Variants in TGS1 observed in about 807,000 individuals in gnomAD.
TGS1 encodes trimethylguanosine synthase 1, also known as trimethylguanosine synthase.
Under a neutral mutation model 92.2 loss-of-function variants are expected in TGS1, and 69 were observed. The ratio of observed to expected loss-of-function variants is 0.75; its 90% CI spans 0.62 to 0.91. The LOEUF is 0.91. TGS1 is among the 40% of genes least tolerant of loss of function. The pLI is 0.00. For missense variants in TGS1, 1,062 were observed against 1,001.2 expected (o/e 1.06, Z -0.82); for synonymous variants, 345 against 338.1 (o/e 1.02, Z -0.22).
At position 55,790,285 on chromosome 8, in the gene TGS1, C is replaced by A. The variant is rs1322547578; in HGVS notation, c.1266C>A (p.Ser422Arg). The change falls in exon 5 of 13, where the codon AGC becomes AGA. Residue 422 changes from serine (S) to arginine (R), a missense_variant. Coordinates refer to ENST00000260129, the MANE Select transcript of TGS1 (RefSeq NM_024831.8). ...SEEDPPEHKP[S>R]KLKRSHELDI... is the part of the protein sequence containing the mutation. The stretch of plus-strand genomic sequence containing the variant: ...AAGACCCACCTGAGCATAAGCCAAG[C>A]AAACTGAAGAGGAGGTAAGTTACAT... The A allele has an allele frequency of 6.2e-7, 1 of 1,612,978 alleles. No individual in the cohort carries two copies. Among genetic ancestry groups the A allele is most frequent in the Non-Finnish European group, 8.5e-7 (1 of 1,179,036 alleles).
At chr8:55,782,503 T>C (rs985727667) in intron 1 of TGS1, among the ~76,000 whole-genome samples, 2 of 152,222 alleles carry the variant, frequency 1.3e-5, no homozygotes, top group African/African-American at 4.8e-5. Context: ...CTAGCAGTTA[T>C]AGTAATAAAT....
At chr8:55,813,289 C>T (rs149690296) in intron 12 of TGS1, among the ~76,000 whole-genome samples, 171 bp downstream of exon 12, 1 of 152,296 alleles carries the variant, frequency 6.6e-6, no homozygotes, top group Non-Finnish European at 1.5e-5. Flanking sequence ...TCTATTACAT[C>T]GTCTTCATTT....
intron 10 of TGS1, among the ~76,000 whole-genome samples, chr8:55,808,965 A>C (rs1364596312): frequency 6.6e-6 from 1 of 152,212 alleles, no homozygotes; most frequent in Non-Finnish European, 1.5e-5. Context: ...AGTATAATTG[A>C]CTTAGTGTGT....
chr8:55,776,602 C>G lies in TGS1; in HGVS notation c.101+2883C>G, dbSNP rs1188142957. Among the ~76,000 whole-genome samples, 3 of 152,118 alleles carry G rather than the reference C, an allele frequency of 2.0e-5. No homozygotes were observed. The East Asian group carries it at 5.8e-4, about 29-fold the overall frequency. ...CCCAGTGCCTTTTTTATGCAAATAA[C>G]CGATTAGGTCAGGGGTGGATCAGTA... On this transcript the variant is annotated intron_variant, in intron 1 of 12. Transcript: ENST00000260129.
chr8:55,802,612 G>C lies in TGS1; in HGVS notation c.1999+6G>C. 1 of 1,585,676 alleles carries C rather than the reference G, an allele frequency of 6.3e-7. No homozygotes were observed. The highest frequency in any genetic ancestry group is 8.5e-7 in the Non-Finnish European group (1 of 1,170,438). On this transcript the variant is annotated splice_donor_region_variant and intron_variant, in intron 9 of 12. Coordinates refer to ENST00000260129, the MANE Select transcript of TGS1 (RefSeq NM_024831.8). ...TGGGATTAAGTTGGACAGAGGTAAA[G>C]TATATATGTATTTTTTAGCTTTATT...
rs540463775 is a variant in TGS1, at chr8:55,800,063, A to G, written c.1849+843A>G. 2.6e-5 allele frequency among the ~76,000 whole-genome samples: 4 copies of G among 152,340 alleles called. No individual in the cohort carries two copies. In the East Asian group the frequency reaches 7.7e-4, roughly 29 times the overall value. On this transcript the variant is annotated intron_variant, in intron 8 of 12. Coordinates refer to ENST00000260129, the MANE Select transcript of TGS1 (RefSeq NM_024831.8). ...GCAAAAGTTCTTATATAGTTTAATAATGGTATTATGAAACCATTATATTTA... is the reference window on the plus strand; with the variant it reads ...GCAAAAGTTCTTATATAGTTTAATAGTGGTATTATGAAACCATTATATTTA...
chr8:55,781,466 C>T (rs989148028), intron 1 of TGS1, among the ~76,000 whole-genome samples: 13 of 152,150 alleles, frequency 8.5e-5, no homozygotes, highest in Non-Finnish European at 1.6e-4. Context: ...ACATTATCTT[C>T]AACACATTTA....
chr8:55,817,251 C>T (rs1370298910), intron 12 of TGS1, among the ~76,000 whole-genome samples: 1 of 152,112 alleles, frequency 6.6e-6, no homozygotes, highest in African/African-American at 2.4e-5. Context: ...AAATGTTCCT[C>T]ATTGTAACAG....
Position 55,814,531 on chromosome 8 carries a change from T to C in TGS1, c.2439+1413T>C, listed in dbSNP as rs532041107. Among the ~76,000 whole-genome samples the C allele has an allele frequency of 3.1e-3, 471 of 151,498 alleles. 5 individuals are homozygous for C. Among genetic ancestry groups the C allele is most frequent in the African/African-American group, 0.01 (417 of 41,360 alleles). On this transcript the variant is annotated intron_variant, in intron 12 of 12. Transcript: ENST00000260129. ...TTAATAGTATGTGTTATACCAGTTATAAGAAAAAGGGGCTGGGTGTGATGG... is the reference window on the plus strand; with the variant it reads ...TTAATAGTATGTGTTATACCAGTTACAAGAAAAAGGGGCTGGGTGTGATGG...
intron 10 of TGS1, among the ~76,000 whole-genome samples, chr8:55,807,681 G>C (rs1803210745): frequency 6.6e-6 from 1 of 151,912 alleles, no homozygotes; most frequent in African/African-American, 2.4e-5. Context: ...GCACGTGCCA[G>C]TATGCCCTGC....
At chr8:55,779,123 G>A (rs1410514345) in intron 1 of TGS1, among the ~76,000 whole-genome samples, 4 of 152,168 alleles carry the variant, frequency 2.6e-5, no homozygotes, top group African/African-American at 9.7e-5. Context: ...AATTCATCCA[G>A]AGTCATTATG....
Position 55,793,103 on chromosome 8 carries a change from C to G in TGS1, c.1367+319C>G, listed in dbSNP as rs553187608. Reference sequence around the variant, plus strand: ...ACTTCTAAGCATGGTTCTCTTCTCACCTAGTGTCTCACATGTGTACATCTG... The same window carrying G: ...ACTTCTAAGCATGGTTCTCTTCTCAGCTAGTGTCTCACATGTGTACATCTG... On this transcript the variant is annotated intron_variant, in intron 6 of 12. Transcript: ENST00000260129. 7.9e-5 allele frequency among the ~76,000 whole-genome samples: 12 copies of G among 152,324 alleles called. No individual in the cohort carries two copies. In the East Asian group the frequency reaches 2.3e-3, roughly 29 times the overall value.
At chr8:55,803,187 T>G (rs1812270439) in intron 9 of TGS1, among the ~76,000 whole-genome samples, 1 of 152,120 alleles carries the variant, frequency 6.6e-6, no homozygotes, top group South Asian at 2.1e-4. Flanking sequence ...AATCTGTATT[T>G]GTAGCACGTT....
chr8:55,785,586 TA>T (rs576479684), intron 2 of TGS1, 132 bp from the exon 3 acceptor site: 33 of 612,102 alleles, frequency 5.4e-5, no homozygotes, highest in Non-Finnish European at 7.3e-5. Flanking sequence ...CTCTAAAAAA[TA>T]AAAAAAATTG....
Position 55,813,039 on chromosome 8 carries a change from C to T in TGS1, c.2361-1C>T. 1 of 1,601,066 alleles carries T rather than the reference C, an allele frequency of 6.2e-7. No individual in the cohort carries two copies. Among genetic ancestry groups the T allele is most frequent in the South Asian group, 1.1e-5 (1 of 90,350 alleles). On this transcript the variant is annotated splice_acceptor_variant, in intron 11 of 12. Transcript: ENST00000260129. LOFTEE classifies it high-confidence loss of function. ...ATTATTTTTCCTTAACTGCTGTCCA[C>T]CTTTGAAATTTTCAGACTTTCTAAG...
At chr8:55,802,347 A>G (rs1812241284) in intron 8 of TGS1, 110 bp from the exon 9 acceptor site, 3 of 884,094 alleles carry the variant, frequency 3.4e-6, no homozygotes, top group Non-Finnish European at 5.4e-6. Context: ...GTGTCATTAT[A>G]TACATGTTCT....
chr8:55,802,467 AAAGAAGAAGAAC>A lies in TGS1; in HGVS notation c.1875_1886del (p.Lys627_Lys630del), dbSNP rs758105166. 30 of 1,613,444 alleles carry A rather than the reference AAAGAAGAAGAAC, an allele frequency of 1.9e-5. No individual in the cohort carries two copies. The highest frequency in any genetic ancestry group is 6.7e-5 in the African/African-American group (5 of 75,004). Reference sequence around the variant, plus strand: ...TGTATTTTATTTTAGCTGAAGTGAAAAAGAAGAAGAACAAGAAGAAGAACAAAAAGGTGAATG... The same window carrying A: ...TGTATTTTATTTTAGCTGAAGTGAAAAAGAAGAAGAACAAAAAGGTGAATG... On this transcript the variant is annotated inframe_deletion, in exon 9 of 13. Coordinates refer to ENST00000260129, the MANE Select transcript of TGS1 (RefSeq NM_024831.8).
intron 11 of TGS1, 117 bp downstream of exon 11, chr8:55,811,214 G>A (rs969296853): frequency 1.9e-4 from 159 of 826,714 alleles, no homozygotes; most frequent in Non-Finnish European, 2.7e-4. Context: ...TGTAATCCTA[G>A]CACATTGGGA....
chr8:55,785,695 T>G (rs13264927), intron 2 of TGS1, 24 bp from the exon 3 acceptor site: 1 of 1,482,082 alleles, frequency 6.7e-7, no homozygotes, highest in Non-Finnish European at 9.0e-7. Flanking sequence ...TCCTTAAAAC[T>G]AAGCTAATAA....
Sources: gnomAD v4.1 joint callset for allele counts (sites outside exome capture counted in the v4.1 genomes callset) on GRCh38, gnomAD v4.1.1 for gene constraint, MANE v1.5 for transcripts, NCBI Gene and HGNC (gene_info 2026-07-23, HGNC 2026-07-21) for gene names.